The following YWHAE variants were observed in gnomAD, a reference collection of about 807,000 sequenced individuals.
YWHAE encodes tyrosine 3-monooxygenase/tryptophan 5-monooxygenase activation protein epsilon, also known as 14-3-3 protein epsilon.
Under a neutral mutation model 30.1 loss-of-function variants are expected in YWHAE, and 4 were observed. That is an observed-to-expected ratio of 0.13 (90% CI 0.07 to 0.30). The LOEUF (loss-of-function observed/expected upper bound fraction) is 0.30, where lower values mean the gene tolerates loss of function less well. YWHAE is among the 10% of genes least tolerant of loss of function. YWHAE has a pLI of 1.00. For synonymous variants in YWHAE, 118 were observed against 111.8 expected, an observed-to-expected ratio of 1.06 and a Z score of -0.35; for missense variants, 121 against 315.9, an observed-to-expected ratio of 0.38 and a Z score of 4.68.
At chr17:1,365,206 A>C in intron 1 of YWHAE, 148 bp from the exon 2 acceptor site, 1 of 927,988 alleles carries the variant, frequency 1.1e-6, no homozygotes, top group South Asian at 1.8e-5. Context: ...TATGAGTAAA[A>C]AGCCAAAAAC....
chr17:1,371,088 G>A (rs1269795766), intron 1 of YWHAE, among the ~76,000 whole-genome samples: 1 of 151,758 alleles, frequency 6.6e-6, no homozygotes, highest in Non-Finnish European at 1.5e-5. Context: ...GTGTGTGGTA[G>A]TGTGTGTGTG....
intron 1 of YWHAE, among the ~76,000 whole-genome samples, chr17:1,370,119 CTTTTTTTTTTT>C (rs538497835): frequency 1.6e-4 from 12 of 76,346 alleles, no homozygotes; most frequent in South Asian, 5.5e-4. Flanking sequence ...CACAGAAAAA[CTTTTTTTTTTT>C]TTTTTTTTTT....
chr17:1,391,797 C>T (rs1427721722), intron 1 of YWHAE, among the ~76,000 whole-genome samples: 1 of 151,980 alleles, frequency 6.6e-6, no homozygotes, highest in Non-Finnish European at 1.5e-5. Context: ...CAGTGGGATC[C>T]CGTCTCCACA....
rs774410591 is a variant in YWHAE, at chr17:1,400,033, C to G, written c.64+14G>C. The G allele has an allele frequency of 5.0e-6, 8 of 1,602,318 alleles. No individual in the cohort carries two copies. The highest frequency in any genetic ancestry group is 1.7e-5 in the Admixed American group (1 of 59,974). On this transcript the variant is annotated intron_variant, in intron 1 of 5. Transcript: ENST00000264335. ...GTCCGAGAATTCCAGCCCCCCGTTGCCCCCCCAACTCACCGTCGTATCGCT... is the reference window on the plus strand; with the variant it reads ...GTCCGAGAATTCCAGCCCCCCGTTGGCCCCCCAACTCACCGTCGTATCGCT...
intron 2 of YWHAE, 95 bp downstream of exon 2, chr17:1,364,764 G>A (rs2072918413): frequency 2.9e-6 from 4 of 1,356,936 alleles, no homozygotes; most frequent in Non-Finnish European, 4.1e-6. Context: ...CAAGTTATAT[G>A]AATGTAGTCT....
chr17:1,379,653 CAAG>C (rs777673323), intron 1 of YWHAE, among the ~76,000 whole-genome samples: 33 of 152,126 alleles, frequency 2.2e-4, no homozygotes, highest in African/African-American at 3.1e-4. Flanking sequence ...AAACAAAATG[CAAG>C]AATAGTGATC....
chr17:1,375,465 T>A (rs558934495), intron 1 of YWHAE, among the ~76,000 whole-genome samples: 21 of 152,260 alleles, frequency 1.4e-4, no homozygotes, highest in African/African-American at 5.1e-4. Flanking sequence ...CTGTCATGTG[T>A]TTGCAGCAGG....
intron 1 of YWHAE, among the ~76,000 whole-genome samples, chr17:1,383,285 G>C (rs964215689): frequency 8.5e-5 from 13 of 152,058 alleles, no homozygotes; most frequent in African/African-American, 3.1e-4. Context: ...GGGAGGACGA[G>C]GTTTCCGCGA....
intron 1 of YWHAE, among the ~76,000 whole-genome samples, chr17:1,380,599 C>A (rs1467501753): frequency 1.3e-5 from 2 of 152,150 alleles, no homozygotes; most frequent in African/African-American, 4.8e-5. Flanking sequence ...CTTCGCCTCA[C>A]TTCCAAGATT....
intron 1 of YWHAE, among the ~76,000 whole-genome samples, chr17:1,376,748 A>G (rs1212535453): frequency 6.6e-6 from 1 of 152,188 alleles, no homozygotes; most frequent in Non-Finnish European, 1.5e-5. Context: ...TCATAAAAGG[A>G]GCAGGTCTCC....
intron 2 of YWHAE, among the ~76,000 whole-genome samples, chr17:1,364,529 C>A (rs2150852988): frequency 6.6e-6 from 1 of 152,082 alleles, no homozygotes. Flanking sequence ...CCTGGCCAAC[C>A]CACCATATTT....
chr17:1,374,098 G>A (rs1424261743), intron 1 of YWHAE, among the ~76,000 whole-genome samples: 1 of 152,100 alleles, frequency 6.6e-6, no homozygotes, highest in Non-Finnish European at 1.5e-5. Context: ...GATTACCTGA[G>A]GTCAGGAGTT....
At chr17:1,361,035 A>G (rs1215863043) in intron 4 of YWHAE, 57 bp downstream of exon 4, 2 of 1,531,680 alleles carry the variant, frequency 1.3e-6, no homozygotes, top group Non-Finnish European at 1.8e-6. Context: ...CGGAAAACCC[A>G]AACAGCGCCC....
rs1324272400 is a variant in YWHAE, at chr17:1,350,941, C to A, written c.715+3270G>T. Among the ~76,000 whole-genome samples the A allele has an allele frequency of 2.7e-5, 4 of 150,804 alleles. No homozygotes were observed. The South Asian group carries it at 8.4e-4, about 31-fold the overall frequency. ...GGGTATGGTGGCGCACGCCTGTAATCCCAGCTACTCAGGAGGCTGAGGCAG... is the reference window on the plus strand; with the variant it reads ...GGGTATGGTGGCGCACGCCTGTAATACCAGCTACTCAGGAGGCTGAGGCAG... On this transcript the variant is annotated intron_variant, in intron 5 of 5. Coordinates refer to ENST00000264335, the MANE Select transcript of YWHAE (RefSeq NM_006761.5).
At chr17:1,363,638 GA>G (rs1323425545) in intron 2 of YWHAE, among the ~76,000 whole-genome samples, 4 of 152,146 alleles carry the variant, frequency 2.6e-5, no homozygotes, top group African/African-American at 9.7e-5. Context: ...TCATAGTTGG[GA>G]TAATACCTCC....
rs544447459 is a variant in YWHAE, at chr17:1,375,508, A to T, written c.65-10450T>A. On this transcript the variant is annotated intron_variant, in intron 1 of 5. Transcript: ENST00000264335. ...GCAATTTAAGAACCAAAAAACTGAA[A>T]TGGTTGAAATCACTTCTTTTGGATC... 5.6e-4 allele frequency among the ~76,000 whole-genome samples: 85 copies of T among 152,308 alleles called. No homozygotes were observed. The South Asian group carries it at 0.017, about 30-fold the overall frequency.
chr17:1,389,533 C>CT (rs780905326), intron 1 of YWHAE, among the ~76,000 whole-genome samples: 2,434 of 139,946 alleles, frequency 0.017, 45 homozygotes, highest in African/African-American at 0.054. Context: ...CGTTTTCTTT[C>CT]TTTTTTTTTT....
At chr17:1,376,543 AGGCTG>A (rs2073128042) in intron 1 of YWHAE, among the ~76,000 whole-genome samples, 1 of 152,210 alleles carries the variant, frequency 6.6e-6, no homozygotes, top group East Asian at 1.9e-4. Context: ...TATGTTGCCC[AGGCTG>A]GTCTCCAACT....
chr17:1,360,530 G>A (rs569470086), intron 4 of YWHAE, among the ~76,000 whole-genome samples: 105 of 152,252 alleles, frequency 6.9e-4, no homozygotes, highest in African/African-American at 2.1e-3. Flanking sequence ...GGGAGGCGAA[G>A]GCGGGCGGAT....
Sources: allele counts gnomAD v4.1 joint callset (sites outside exome capture counted in the v4.1 genomes callset), GRCh38; gene constraint gnomAD v4.1.1; transcripts MANE v1.5; gene names NCBI Gene and HGNC (gene_info 2026-07-23, HGNC 2026-07-21).